The following DLG3 variants were observed in gnomAD, a reference collection of about 807,000 sequenced individuals.
The protein encoded by DLG3 is disks large homolog 3.
Under a neutral mutation model 64.1 loss-of-function variants are expected in DLG3, and 1 was observed. The ratio of observed to expected loss-of-function variants is 0.02; its 90% CI spans 0.01 to 0.07. The LOEUF (loss-of-function observed/expected upper bound fraction) is 0.07, where lower values mean the gene tolerates loss of function less well. Among genes scored for constraint, DLG3 ranks in the 10% least tolerant of loss-of-function variants. The pLI is 1.00. For missense variants in DLG3, 429 were observed against 669.5 expected, an observed-to-expected ratio of 0.64 and a Z score of 3.96; for synonymous variants, 245 against 259.8, an observed-to-expected ratio of 0.94 and a Z score of 0.55.
At chrX:70,476,605 A>T (rs749586297) in intron 9 of DLG3, among the ~76,000 whole-genome samples, 2 of 112,451 alleles carry the variant, frequency 1.8e-5, no homozygotes, top group Non-Finnish European at 3.7e-5. Context: ...GGTTGTTAAC[A>T]TCTCAAAAGG....
intron 18 of DLG3, among the ~76,000 whole-genome samples, chrX:70,501,660 G>A (rs1352458390): frequency 2.7e-5 from 3 of 111,078 alleles, no homozygotes; most frequent in African/African-American, 9.8e-5. Flanking sequence ...GTCCTTGTTT[G>A]CTGGGCTGAC....
At chrX:70,478,169 A>G (rs748991735) in intron 9 of DLG3, among the ~76,000 whole-genome samples, 36 of 112,472 alleles carry the variant, frequency 3.2e-4, no homozygotes, top group Non-Finnish European at 6.4e-4. Context: ...TGCGGCAATT[A>G]TAGGCCTGGA....
chrX:70,492,647 A>G, intron 12 of DLG3, 51 bp downstream of exon 12: 1 of 1,094,266 alleles, frequency 9.1e-7, no homozygotes, highest in Non-Finnish European at 1.3e-6. Flanking sequence ...AGGGTTGAGA[A>G]GCCTGGAGTT....
intron 12 of DLG3, among the ~76,000 whole-genome samples, chrX:70,493,052 G>A (rs868546396): frequency 9.0e-6 from 1 of 111,719 alleles, no homozygotes; most frequent in Non-Finnish European, 1.9e-5. Flanking sequence ...GAAGAGAGAC[G>A]TGGAGTAGAT....
intron 9 of DLG3, among the ~76,000 whole-genome samples, chrX:70,459,006 G>T (rs896465901): frequency 8.9e-6 from 1 of 112,257 alleles, no homozygotes; most frequent in East Asian, 2.8e-4. Context: ...GGAAGGATGG[G>T]TTATGTGTTA....
At chrX:70,487,025 A>G (rs1285465547) in intron 10 of DLG3, among the ~76,000 whole-genome samples, 1 of 112,152 alleles carries the variant, frequency 8.9e-6, no homozygotes, top group African/African-American at 3.2e-5. Flanking sequence ...AAAGCAGTCA[A>G]TATTTTTAAA....
intron 12 of DLG3, among the ~76,000 whole-genome samples, chrX:70,494,898 G>C (rs902861580): frequency 8.9e-6 from 1 of 112,635 alleles, no homozygotes; most frequent in Non-Finnish European, 1.9e-5. Context: ...TTGGGCAAAG[G>C]CTTCTTGAGG....
At chrX:70,494,922 A>G (rs764086547) in intron 12 of DLG3, among the ~76,000 whole-genome samples, 30 of 112,633 alleles carry the variant, frequency 2.7e-4, no homozygotes, top group Non-Finnish European at 4.7e-4. Context: ...TGGCAATTCT[A>G]TCTGCCTACC....
chrX:70,493,715 G>T (rs964406164), intron 12 of DLG3, among the ~76,000 whole-genome samples: 8 of 113,064 alleles, frequency 7.1e-5, no homozygotes, highest in Non-Finnish European at 1.3e-4. Context: ...GGTGGGACTG[G>T]TCCCAGGGTC....
chrX:70,492,348 C>T, intron 11 of DLG3, 65 bp downstream of exon 11: 1 of 1,184,230 alleles, frequency 8.4e-7, no homozygotes. Context: ...TTCTTGTTTT[C>T]CTATTAGAAG....
At position 70,502,442 on chromosome X, in the gene DLG3, TTTTG is replaced by T. The variant is rs1325555905; in HGVS notation, c.*181_*184del. ...TCCTGTTCTTTTTTTTTTTTTAAGT[TTTTG>T]TTTGTTTCAGTTTATTTTTTGGGAT... On this transcript the variant is annotated 3_prime_UTR_variant, in exon 19 of 19. Coordinates refer to ENST00000374360, the MANE Select transcript of DLG3 (RefSeq NM_021120.4). 2.3e-6 allele frequency: 1 copy of T among 426,109 alleles called. No homozygotes were observed. Among genetic ancestry groups the T allele is most frequent in the Non-Finnish European group, 4.1e-6 (1 of 246,162 alleles). The allele number at this position is 426,109 out of a possible 1,213,427, so 35.1% of individuals were successfully genotyped here. A position where few individuals can be genotyped will look rare whatever the true frequency, so the allele number is the denominator to read the frequency against.
chrX:70,452,423 T>G, intron 7 of DLG3: 1 of 949,180 alleles, frequency 1.1e-6, no homozygotes, highest in Non-Finnish European at 1.3e-6. Flanking sequence ...GGCGGGACTC[T>G]GACCGGCCCG....
In DLG3 at chrX:70,468,032, C is replaced by T. The variant is rs186646806; in HGVS notation, c.1406-11118C>T. Reference sequence around the variant, plus strand: ...TGTGAGATCAAGGCATTTTTCATTCCAGTCATTTTAGACCAGGTAGATTTT... The same window carrying T: ...TGTGAGATCAAGGCATTTTTCATTCTAGTCATTTTAGACCAGGTAGATTTT... On this transcript the variant is annotated intron_variant, in intron 9 of 18. Transcript: ENST00000374360. Among the ~76,000 whole-genome samples, 331 of 111,743 alleles carry T rather than the reference C, an allele frequency of 3.0e-3. 3 individuals are homozygous for T. Among genetic ancestry groups the T allele is most frequent in the African/African-American group, 0.01 (309 of 30,822 alleles).
rs190589223 is a variant in DLG3, at chrX:70,464,059, T to A, written c.1405+9743T>A. Among the ~76,000 whole-genome samples, 17 of 110,647 alleles carry A rather than the reference T, an allele frequency of 1.5e-4. No homozygotes were observed. In the East Asian group the frequency reaches 4.8e-3, roughly 31 times the overall value. On this transcript the variant is annotated intron_variant, in intron 9 of 18. Coordinates refer to ENST00000374360, the MANE Select transcript of DLG3 (RefSeq NM_021120.4). Reference sequence around the variant, plus strand: ...TTTATTTTTTTGTATAGAGACAAGATCTTACTATGTTGCCCAGGCTGGTCT... The same window carrying A: ...TTTATTTTTTTGTATAGAGACAAGAACTTACTATGTTGCCCAGGCTGGTCT...
chrX:70,452,700 G>A (rs781426250), intron 7 of DLG3: 1 of 1,203,182 alleles, frequency 8.3e-7, no homozygotes, highest in Non-Finnish European at 1.1e-6. Flanking sequence ...CTGGAGGAGG[G>A]CTTCGCAGAG....
intron 9 of DLG3, among the ~76,000 whole-genome samples, chrX:70,475,947 G>T (rs62607981): frequency 0.14 from 15,754 of 111,310 alleles, 1,130 homozygotes; most frequent in Non-Finnish European, 0.2. Flanking sequence ...ATCCAATTCT[G>T]TAAGTTAAGA....
At chrX:70,502,130 A>C in intron 18 of DLG3, 33 bp from the exon 19 acceptor site, 2 of 1,071,125 alleles carry the variant, frequency 1.9e-6, no homozygotes, top group Non-Finnish European at 2.6e-6. Context: ...GCTATGGACC[A>C]CAGTAATAAT....
At chrX:70,495,379 C>G (rs1262996236) in intron 12 of DLG3, 29 bp from the exon 13 acceptor site, 8 of 1,206,895 alleles carry the variant, frequency 6.6e-6, no homozygotes, top group Non-Finnish European at 9.0e-6. Context: ...CCGTCGTCCT[C>G]TCTCCGCCCT....
chrX:70,472,290 C>T (rs374605516), intron 9 of DLG3, among the ~76,000 whole-genome samples: 2 of 112,376 alleles, frequency 1.8e-5, no homozygotes, highest in South Asian at 3.7e-4. Context: ...CAGTGGCTCA[C>T]GCCTATAATC....
Sources: allele counts gnomAD v4.1 joint callset (sites outside exome capture counted in the v4.1 genomes callset), GRCh38; gene constraint gnomAD v4.1.1; transcripts MANE v1.5; gene names NCBI Gene and HGNC (gene_info 2026-07-23, HGNC 2026-07-21).